ERC1: variants seen among roughly 807,000 people sequenced by gnomAD.
ERC1 encodes ELKS/RAB6-interacting/CAST family member 1.
ERC1 carries 56 observed loss-of-function variants against 132.0 expected under a neutral mutation model. The ratio of observed to expected loss-of-function variants is 0.42; its 90% CI spans 0.34 to 0.53. ERC1 has a LOEUF of 0.53. ERC1 is among the 20% of genes least tolerant of loss of function. ERC1 has a pLI of 0.03. For synonymous variants in ERC1, 478 were observed against 476.1 expected (o/e 1.00, Z -0.05); for missense variants, 1,202 against 1,349.9 (o/e 0.89, Z 1.72).
intron 15 of ERC1, among the ~76,000 whole-genome samples, chr12:1,323,141 A>C (rs1020045895): frequency 1.3e-5 from 2 of 151,658 alleles, no homozygotes; most frequent in African/African-American, 4.8e-5. Context: ...TTATGTGACT[A>C]TTCAACATTT....
chr12:1,426,249 G>A (rs2092635366), intron 17 of ERC1, among the ~76,000 whole-genome samples: 1 of 151,934 alleles, frequency 6.6e-6, no homozygotes, highest in Non-Finnish European at 1.5e-5. Context: ...GATTACAAGT[G>A]CGTGCACCAC....
intron 1 of ERC1, among the ~76,000 whole-genome samples, chr12:996,106 T>G (rs1441666615): frequency 6.6e-6 from 1 of 151,580 alleles, no homozygotes; most frequent in Non-Finnish European, 1.5e-5. Context: ...TTTTTTTTTT[T>G]GAGATGGAGT....
In ERC1 at chr12:1,279,672, T is replaced by TA. The variant is rs1189775825; in HGVS notation, c.2620-10178dup. Among the ~76,000 whole-genome samples, 159 of 148,520 alleles carry TA rather than the reference T, an allele frequency of 1.1e-3. 1 individual carries two copies. Among genetic ancestry groups the TA allele is most frequent in the African/African-American group, 3.7e-3 (151 of 40,572 alleles). ...TTCAAAGCAGACTTTTTTTTTTTTT[T>TA]AATTTTATTTTATTTTATTTATTTA... On this transcript the variant is annotated intron_variant, in intron 14 of 18. Coordinates refer to ENST00000360905, the MANE Select transcript of ERC1 (RefSeq NM_178040.4).
chr12:1,027,665 TC>T (rs1967126421), intron 1 of ERC1, 82 bp from the exon 2 acceptor site: 5 of 517,344 alleles, frequency 9.7e-6, no homozygotes, highest in Non-Finnish European at 1.4e-5. Flanking sequence ...GGCTAGATCT[TC>T]TTTAAGTGGG....
chr12:1,005,590 A>G (rs979399496), intron 1 of ERC1, among the ~76,000 whole-genome samples: 1 of 152,200 alleles, frequency 6.6e-6, no homozygotes, highest in Non-Finnish European at 1.5e-5. Context: ...TGGTTACTGT[A>G]GTCAATTTTA....
intron 12 of ERC1, among the ~76,000 whole-genome samples, chr12:1,215,786 A>G (rs139759987): frequency 0.011 from 1,650 of 152,240 alleles, 16 homozygotes; most frequent in Non-Finnish European, 0.017. Flanking sequence ...AAACAAAAGA[A>G]TCTTTTCCTC....
chr12:1,121,517 C>T (rs1434578025), intron 7 of ERC1, among the ~76,000 whole-genome samples: 1 of 152,242 alleles, frequency 6.6e-6, no homozygotes, highest in South Asian at 2.1e-4. Context: ...TCTTTTGTGA[C>T]GAGATTGTGA....
At chr12:1,316,355 T>C (rs528716819) in intron 15 of ERC1, among the ~76,000 whole-genome samples, 3 of 152,212 alleles carry the variant, frequency 2.0e-5, no homozygotes, top group Non-Finnish European at 4.4e-5. Context: ...CAGAGCATGC[T>C]GAAAAAGCTA....
In ERC1 at chr12:1,224,761, G is replaced by A. The variant is rs552879445; in HGVS notation, c.2352-12008G>A. 8.6e-5 allele frequency among the ~76,000 whole-genome samples: 13 copies of A among 152,042 alleles called. No homozygotes were observed. In the South Asian group the frequency reaches 1.9e-3, roughly 22 times the overall value. ...TTTGGGAGGCTGAGGCTGGAGGATT[G>A]CTTAAGCCCAGGAGTTTGAGACCAG... On this transcript the variant is annotated intron_variant, in intron 12 of 18. Coordinates refer to ENST00000360905, the MANE Select transcript of ERC1 (RefSeq NM_178040.4).
intron 17 of ERC1, among the ~76,000 whole-genome samples, chr12:1,436,945 G>A (rs1242809911): frequency 6.6e-6 from 1 of 151,924 alleles, no homozygotes; most frequent in Admixed American, 6.6e-5. Flanking sequence ...CCCTGGAACT[G>A]TACTGTACAG....
chr12:1,109,598 C>T (rs1422325329), intron 4 of ERC1, among the ~76,000 whole-genome samples: 1 of 152,016 alleles, frequency 6.6e-6, no homozygotes, highest in East Asian at 1.9e-4. Context: ...AAATTTTAAC[C>T]AGTTTTTCAT....
At position 1,254,129 on chromosome 12, in the gene ERC1, T is replaced by C. The variant is rs543206049; in HGVS notation, c.2488-8905T>C. On this transcript the variant is annotated intron_variant, in intron 13 of 18. Transcript: ENST00000360905. ...TTTTGGTGAGTGCAAATGTGGTTAA[T>C]AGCAGTTGAAGTAAAACTCTAAAGA... 6.0e-4 allele frequency among the ~76,000 whole-genome samples: 91 copies of C among 152,336 alleles called. 1 individual carries two copies. Among genetic ancestry groups the C allele is most frequent in the African/African-American group, 2.1e-3 (87 of 41,582 alleles).
intron 14 of ERC1, among the ~76,000 whole-genome samples, chr12:1,278,818 A>G (rs1288029101): frequency 1.3e-5 from 2 of 152,318 alleles, no homozygotes; most frequent in East Asian, 3.9e-4. Context: ...AACCCTTAAT[A>G]AAAGGTCAGA....
chr12:1,436,677 C>T (rs957395949), intron 17 of ERC1, among the ~76,000 whole-genome samples: 1 of 150,978 alleles, frequency 6.6e-6, no homozygotes, highest in African/African-American at 2.5e-5. Flanking sequence ...ACGTGAGGCA[C>T]CAGGCCTCAG....
At chr12:1,104,853 T>C (rs556872366) in intron 4 of ERC1, 29 bp downstream of exon 4, 10 of 1,457,320 alleles carry the variant, frequency 6.9e-6, no homozygotes, top group South Asian at 2.3e-5. Flanking sequence ...AAGAATCTTA[T>C]GAATTACCTT....
chr12:1,131,118 TTTAA>T (rs1948723249), intron 7 of ERC1, among the ~76,000 whole-genome samples: 1 of 152,212 alleles, frequency 6.6e-6, no homozygotes, highest in Non-Finnish European at 1.5e-5. Flanking sequence ...GAAGATGTGG[TTTAA>T]ATAAAAGTTA....
chr12:1,470,300 C>A (rs2093833101), intron 18 of ERC1, among the ~76,000 whole-genome samples: 1 of 152,052 alleles, frequency 6.6e-6, no homozygotes, highest in Admixed American at 6.5e-5. Flanking sequence ...CTTCTCTCTT[C>A]CTGCCTGGCC....
At chr12:1,359,261 G>A (rs973994283) in intron 15 of ERC1, among the ~76,000 whole-genome samples, 17 of 152,120 alleles carry the variant, frequency 1.1e-4, no homozygotes, top group African/African-American at 4.1e-4. Context: ...TACGAGTTCT[G>A]TCAAAATAGG....
intron 12 of ERC1, among the ~76,000 whole-genome samples, chr12:1,209,779 G>A (rs749692448): frequency 6.6e-6 from 1 of 152,174 alleles, no homozygotes; most frequent in Non-Finnish European, 1.5e-5. Context: ...TGACTCACAA[G>A]ATTTTAGTGA....
Sources: allele counts gnomAD v4.1 joint callset (sites outside exome capture counted in the v4.1 genomes callset), GRCh38; gene constraint gnomAD v4.1.1; transcripts MANE v1.5; gene names NCBI Gene and HGNC (gene_info 2026-07-23, HGNC 2026-07-21).